Variants in NEMP2 observed in about 807,000 individuals in gnomAD.
NEMP2 encodes UPF0571 transmembrane protein.
A neutral mutation model predicts 54.2 loss-of-function variants in NEMP2; 53 were observed. The observed-to-expected ratio is 0.98, with a 90% CI of 0.78 to 1.23. The LOEUF (loss-of-function observed/expected upper bound fraction) is 1.23. Ranked by LOEUF, NEMP2 falls within the 50% of genes most tolerant of loss-of-function variation. NEMP2 has a pLI of 0.00. For synonymous variants in NEMP2, 197 were observed against 190.3 expected, an observed-to-expected ratio of 1.04 and a Z score of -0.29; for missense variants, 455 against 511.3, an observed-to-expected ratio of 0.89 and a Z score of 1.06.
chr2:190,434,435 T>C, the NEMP2 span, among the ~76,000 whole-genome samples: 3 of 152,138 alleles, frequency 2.0e-5, no homozygotes, highest in Non-Finnish European at 4.4e-5. This position sits in a 1 kb window ranked among gnomAD's most constrained non-coding sequence, Gnocchi z 4.3. Flanking sequence ...ATTTATTTTA[T>C]TTTATTTATT....
the NEMP2 span, among the ~76,000 whole-genome samples, chr2:190,562,080 G>C: frequency 7.1e-3 from 1,075 of 152,292 alleles, 17 homozygotes; most frequent in African/African-American, 0.025. This position sits in a 1 kb window ranked among gnomAD's most constrained non-coding sequence, Gnocchi z 5.0. Context: ...AGAGCAACCA[G>C]AAATATTTGA....
chr2:190,499,503 C>T (rs1186698436), downstream of NEMP2, among the ~76,000 whole-genome samples: 5 of 152,196 alleles, frequency 3.3e-5, no homozygotes, highest in African/African-American at 1.2e-4. This position sits in a 1 kb window ranked among gnomAD's most constrained non-coding sequence, Gnocchi z 6.0. Context: ...ACTTTTGGTG[C>T]ACATTTTGAA....
chr2:190,439,423 A>G, the NEMP2 span, among the ~76,000 whole-genome samples: 109,452 of 151,942 alleles, frequency 0.72, 40,029 homozygotes, highest in Admixed American at 0.8. The surrounding 1 kb of genome is among the most constrained non-coding windows in gnomAD (Gnocchi z 5.8). Flanking sequence ...CAACGTGCAG[A>G]TTTGTTGCAT....
chr2:190,470,998 A>G, the NEMP2 span, among the ~76,000 whole-genome samples: 2 of 152,154 alleles, frequency 1.3e-5, no homozygotes, highest in Admixed American at 1.3e-4. Context: ...TAGAAAATGG[A>G]AACTTGGTCT....
chr2:190,427,308 G>T, the NEMP2 span, among the ~76,000 whole-genome samples: 48 of 152,214 alleles, frequency 3.2e-4, no homozygotes, highest in Admixed American at 3.1e-3. Flanking sequence ...CCCCATTATA[G>T]CTTGGTGAGG....
At position 190,530,525 on chromosome 2, in the gene NEMP2, C is replaced by T. The variant is rs1691106535; in HGVS notation, c.97+4034G>A. 6.6e-6 allele frequency among the ~76,000 whole-genome samples: 1 copy of T among 152,178 alleles called. No homozygotes were observed. Among genetic ancestry groups the T allele is most frequent in the Admixed American group, 6.5e-5 (1 of 15,274 alleles). On this transcript the variant is annotated intron_variant, in intron 1 of 8. Coordinates refer to ENST00000409150, the MANE Select transcript of NEMP2 (RefSeq NM_001142645.2). The surrounding 1 kb of genome is among the most constrained non-coding windows in gnomAD (Gnocchi z 4.6). The stretch of plus-strand genomic sequence containing the variant: ...ACTAGGCAAAAGACAGTGATTGTCA[C>T]AAGACTGTTATCACAGCTGGCCCAC...
rs111681580 is a variant in NEMP2 at position 190,510,706 on chromosome 2, A to C, written c.954-169T>G. Among the ~76,000 whole-genome samples the C allele has an allele frequency of 0.029, 4,377 of 152,036 alleles. 232 individuals are homozygous for C. The highest frequency in any genetic ancestry group is 0.098 in the African/African-American group (4,081 of 41,432). ...ACGGTCCTGGCTAACAAGGTGAAAC[A>C]CTGTCTCTACTAAAAATATAAAAAA... On this transcript the variant is annotated intron_variant, in intron 7 of 8. Coordinates refer to ENST00000409150, the MANE Select transcript of NEMP2 (RefSeq NM_001142645.2). The surrounding 1 kb of genome is among the most constrained non-coding windows in gnomAD (Gnocchi z 5.7).
rs962406424 is a variant in NEMP2, at chr2:190,527,218, T to A, written c.98-1840A>T. 2.4e-4 allele frequency among the ~76,000 whole-genome samples: 36 copies of A among 152,322 alleles called. No homozygotes were observed. Among genetic ancestry groups the A allele is most frequent in the Middle Eastern group, 3.4e-3 (1 of 294 alleles). ...AAACCTGAAATGAAGCTAGAACAACTTGCTACACCAAAGTTGGGGAAGGAC... is the reference window on the plus strand; with the variant it reads ...AAACCTGAAATGAAGCTAGAACAACATGCTACACCAAAGTTGGGGAAGGAC... On this transcript the variant is annotated intron_variant, in intron 1 of 8. Coordinates refer to ENST00000409150, the MANE Select transcript of NEMP2 (RefSeq NM_001142645.2). This position sits in a 1 kb window ranked among gnomAD's most constrained non-coding sequence, Gnocchi z 4.0.
upstream of NEMP2, among the ~76,000 whole-genome samples, chr2:190,535,304 G>A (rs569110302): frequency 1.7e-4 from 26 of 152,172 alleles, no homozygotes; most frequent in South Asian, 5.4e-3. Context: ...TCTAATCTCG[G>A]ACACGGCATT....
chr2:190,618,342 C>T, the NEMP2 span, among the ~76,000 whole-genome samples: 2 of 152,260 alleles, frequency 1.3e-5, no homozygotes, highest in South Asian at 2.1e-4. Context: ...CCTGGACTCT[C>T]AAGGTCAGCA....
the NEMP2 span, among the ~76,000 whole-genome samples, chr2:190,605,477 C>G: frequency 6.6e-6 from 1 of 152,080 alleles, no homozygotes; most frequent in Non-Finnish European, 1.5e-5. Context: ...CAGGTTCAAG[C>G]AATTCTCCTG....
At chr2:190,564,828 A>C in the NEMP2 span, among the ~76,000 whole-genome samples, 1 of 152,234 alleles carries the variant, frequency 6.6e-6, no homozygotes. This position sits in a 1 kb window ranked among gnomAD's most constrained non-coding sequence, Gnocchi z 4.2. Context: ...AATAGAGAAC[A>C]GGAGAGGGGT....
At chr2:190,477,517 C>T in the NEMP2 span, 7 of 231,400 alleles carry the variant, frequency 3.0e-5, no homozygotes, top group Non-Finnish European at 5.0e-5. Flanking sequence ...ATCCATGAAA[C>T]GGTTAAAGAA....
chr2:190,492,723 A>C, the NEMP2 span, among the ~76,000 whole-genome samples: 202 of 152,148 alleles, frequency 1.3e-3, 1 homozygote, highest in African/African-American at 4.6e-3. The surrounding 1 kb of genome is among the most constrained non-coding windows in gnomAD (Gnocchi z 5.2). Flanking sequence ...AAGGAAAGAT[A>C]CAGTCTTTTT....
chr2:190,493,696 A>G, the NEMP2 span, among the ~76,000 whole-genome samples: 41 of 152,336 alleles, frequency 2.7e-4, no homozygotes, highest in African/African-American at 9.4e-4. Context: ...GTGGAATAAA[A>G]CTGGAAATCA....
At chr2:190,441,730 T>G in the NEMP2 span, among the ~76,000 whole-genome samples, 1 of 152,076 alleles carries the variant, frequency 6.6e-6, no homozygotes, top group African/African-American at 2.4e-5. Flanking sequence ...CCTTGTCTCC[T>G]CAGCTCTAGA....
the NEMP2 span, among the ~76,000 whole-genome samples, chr2:190,472,336 T>G: frequency 6.6e-6 from 1 of 151,958 alleles, no homozygotes; most frequent in African/African-American, 2.4e-5. Context: ...TTAAAAACCT[T>G]GAAAAAAGAT....
Position 190,510,384 on chromosome 2 carries a change from G to A in NEMP2, c.1107C>T (p.Val369=). 6.4e-7 allele frequency: 1 copy of A among 1,551,740 alleles called. No homozygotes were observed. Among genetic ancestry groups the A allele is most frequent in the Non-Finnish European group, 8.7e-7 (1 of 1,147,000 alleles). The part of the protein sequence containing the change: ...RKPDFPSWLV[V]SRLHTPSKFA... ...ACTTGCTAGGAGTGTGGAGTCTGGAGACGACCAGCCATGAGGGAAAGTCGG... is the reference window on the plus strand; with the variant it reads ...ACTTGCTAGGAGTGTGGAGTCTGGAAACGACCAGCCATGAGGGAAAGTCGG... The change falls in exon 8 of 9, where the codon GTC becomes GTT. Residue 369 remains valine, a synonymous_variant. Transcript: ENST00000409150. This position sits in a 1 kb window ranked among gnomAD's most constrained non-coding sequence, Gnocchi z 5.7.
the NEMP2 span, chr2:190,435,955 T>G: frequency 6.6e-7 from 1 of 1,504,088 alleles, no homozygotes; most frequent in African/African-American, 1.4e-5. Context: ...TACTAAGCCA[T>G]CTTTTAAATT....
Sources: allele counts gnomAD v4.1 joint callset (sites outside exome capture counted in the v4.1 genomes callset), GRCh38; gene constraint gnomAD v4.1.1; non-coding constraint Gnocchi (gnomAD v3.1); transcripts MANE v1.5; gene names NCBI Gene and HGNC (gene_info 2026-07-23, HGNC 2026-07-21).